The following KIF21A variants were observed in gnomAD, a reference collection of about 807,000 sequenced individuals.
KIF21A encodes the protein kinesin family member 21A.
Under a neutral mutation model 202.9 loss-of-function variants are expected in KIF21A, and 114 were observed. The ratio of observed to expected loss-of-function variants is 0.56; its 90% CI spans 0.48 to 0.66. KIF21A has a LOEUF of 0.66. Among genes scored for constraint, KIF21A ranks in the 30% least tolerant of loss-of-function variants. The pLI is 0.00. For missense variants in KIF21A, 1,677 were observed against 1,994.9 expected (o/e 0.84, Z 3.04); for synonymous variants, 667 against 670.8 (o/e 0.99, Z 0.09).
At chr12:39,388,976 T>C (rs1298001755) in intron 1 of KIF21A, among the ~76,000 whole-genome samples, 1 of 152,168 alleles carries the variant, frequency 6.6e-6, no homozygotes, top group Non-Finnish European at 1.5e-5. Flanking sequence ...AATCTGGGAA[T>C]TGTCCAATTT....
At chr12:39,410,166 C>A (rs1214708177) in intron 1 of KIF21A, among the ~76,000 whole-genome samples, 1 of 152,108 alleles carries the variant, frequency 6.6e-6, no homozygotes, top group Non-Finnish European at 1.5e-5. Flanking sequence ...GGGCCCTGAG[C>A]CCAGGAATGC....
intron 1 of KIF21A, among the ~76,000 whole-genome samples, chr12:39,427,895 A>T (rs1954890613): frequency 6.6e-6 from 1 of 152,156 alleles, no homozygotes; most frequent in Admixed American, 6.5e-5. Context: ...CTGACCTCAG[A>T]TGATCCAGCT....
In KIF21A at chr12:39,337,133, T is replaced by G; in HGVS notation, c.2381A>C (p.Glu794Ala). Residue 794 changes from glutamate (E) to alanine (A), a missense_variant, in exon 17 of 38, where the codon GAG (glutamate) becomes GCG (alanine). Glu to Ala is a moderately radical substitution (Grantham distance 107). Coordinates refer to ENST00000361418, the MANE Select transcript of KIF21A (RefSeq NM_001173464.2). ...ARLTESRRNR[E>A]IAQLKKDQRK... Reference sequence around the variant, plus strand: ...TTGATCCTTTTTCAACTGAGCAATCTCTCTGTTTCTTCTAGACTCAGTCAG... The same window carrying G: ...TTGATCCTTTTTCAACTGAGCAATCGCTCTGTTTCTTCTAGACTCAGTCAG... 6.2e-7 allele frequency: 1 copy of G among 1,612,148 alleles called. No homozygotes were observed. Among genetic ancestry groups the G allele is most frequent in the Non-Finnish European group, 8.5e-7 (1 of 1,179,112 alleles).
At chr12:39,406,436 G>A (rs560845883) in intron 1 of KIF21A, among the ~76,000 whole-genome samples, 11 of 152,262 alleles carry the variant, frequency 7.2e-5, no homozygotes, top group Non-Finnish European at 1.5e-4. Context: ...CAGGGAGTTG[G>A]CAAATGATTC....
intron 1 of KIF21A, among the ~76,000 whole-genome samples, chr12:39,372,861 C>G (rs561481967): frequency 2.2e-4 from 34 of 152,104 alleles, no homozygotes; most frequent in Non-Finnish European, 4.7e-4. Flanking sequence ...TGTTGCCACG[C>G]CAGAAATAGG....
chr12:39,301,439 G>A (rs768077532), intron 37 of KIF21A, 41 bp downstream of exon 37: 1 of 1,469,838 alleles, frequency 6.8e-7, no homozygotes, highest in South Asian at 1.1e-5. Flanking sequence ...AATCTGAACA[G>A]AAGCAACCAA....
At chr12:39,321,505 C>T (rs1592133205) in intron 27 of KIF21A, 1 of 152,132 alleles carries the variant, frequency 6.6e-6, no homozygotes. Flanking sequence ...CATCTTATCA[C>T]AAAAGCAATG....
At chr12:39,305,041 T>A in intron 34 of KIF21A, 103 bp from the exon 35 acceptor site, 1 of 695,280 alleles carries the variant, frequency 1.4e-6, no homozygotes, top group Non-Finnish European at 2.6e-6. Flanking sequence ...AATAATTCAC[T>A]AACTTTTTTT....
At chr12:39,372,043 A>C (rs969804541) in intron 1 of KIF21A, among the ~76,000 whole-genome samples, 2 of 152,060 alleles carry the variant, frequency 1.3e-5, no homozygotes, top group Non-Finnish European at 2.9e-5. Flanking sequence ...AAAAAAAAAA[A>C]AACTCAGGTC....
chr12:39,400,417 C>T (rs1367920690), intron 1 of KIF21A, among the ~76,000 whole-genome samples: 1 of 152,160 alleles, frequency 6.6e-6, no homozygotes, highest in Non-Finnish European at 1.5e-5. Context: ...ATTAGCTATT[C>T]TTCCTAATGC....
At chr12:39,403,650 T>A (rs2139903285) in intron 1 of KIF21A, among the ~76,000 whole-genome samples, 1 of 152,336 alleles carries the variant, frequency 6.6e-6, no homozygotes, top group East Asian at 1.9e-4. Context: ...CTTACAGGCT[T>A]TTTATGAAGA....
chr12:39,298,489 C>A (rs564323727), intron 37 of KIF21A, among the ~76,000 whole-genome samples: 33 of 152,086 alleles, frequency 2.2e-4, no homozygotes, highest in Non-Finnish European at 3.7e-4. Context: ...TAGAGAGATA[C>A]CACTGAACAC....
chr12:39,423,839 C>T (rs546938666), intron 1 of KIF21A, among the ~76,000 whole-genome samples: 30 of 151,900 alleles, frequency 2.0e-4, no homozygotes, highest in African/African-American at 7.2e-4. Flanking sequence ...CAAAAATTAG[C>T]TGGGCATGGT....
chr12:39,409,045 A>G (rs1033084180), intron 1 of KIF21A, among the ~76,000 whole-genome samples: 2 of 151,730 alleles, frequency 1.3e-5, no homozygotes, highest in Non-Finnish European at 2.9e-5. Flanking sequence ...TATGTTGCCC[A>G]GGCTGGTCTC....
At chr12:39,430,625 A>AT (rs1937750765) in intron 1 of KIF21A, among the ~76,000 whole-genome samples, 1 of 151,906 alleles carries the variant, frequency 6.6e-6, no homozygotes, top group East Asian at 1.9e-4. Context: ...ACATTAATAT[A>AT]TTTTATACCA....
chr12:39,413,242 C>T (rs756239157), intron 1 of KIF21A, among the ~76,000 whole-genome samples: 5 of 152,096 alleles, frequency 3.3e-5, no homozygotes, highest in Non-Finnish European at 5.9e-5. Context: ...ATCTTGACCC[C>T]GTAGTATCTA....
intron 10 of KIF21A, among the ~76,000 whole-genome samples, chr12:39,355,672 C>G (rs189236068): frequency 7.3e-6 from 1 of 136,390 alleles, no homozygotes; most frequent in Admixed American, 7.5e-5. Context: ...TGCAGTGCCT[C>G]AAAGGTCTCT....
At chr12:39,387,878 C>T (rs1951059960) in intron 1 of KIF21A, among the ~76,000 whole-genome samples, 1 of 152,110 alleles carries the variant, frequency 6.6e-6, no homozygotes, top group African/African-American at 2.4e-5. Context: ...CTAAATGTCT[C>T]CCCAAATGCA....
intron 11 of KIF21A, among the ~76,000 whole-genome samples, chr12:39,350,226 T>C (rs1948250715): frequency 6.6e-6 from 1 of 151,990 alleles, no homozygotes; most frequent in Non-Finnish European, 1.5e-5. Context: ...TTATTACAAC[T>C]ACATAATCAC....
Sources: gnomAD v4.1 joint callset for allele counts (sites outside exome capture counted in the v4.1 genomes callset) on GRCh38, gnomAD v4.1.1 for gene constraint, MANE v1.5 for transcripts, NCBI Gene and HGNC (gene_info 2026-07-23, HGNC 2026-07-21) for gene names.